The following MEX3C variants were observed in gnomAD, a reference collection of about 807,000 sequenced individuals.
The protein encoded by MEX3C is RNA-binding E3 ubiquitin-protein ligase MEX3C.
MEX3C carries 15 observed loss-of-function variants against 35.5 expected under a neutral mutation model. That is an observed-to-expected ratio of 0.42 (90% confidence interval 0.28 to 0.65). The LOEUF is 0.65. Ranked by LOEUF, MEX3C falls within the 30% of genes least tolerant of loss-of-function variation. The pLI, the probability that MEX3C is intolerant of heterozygous loss-of-function variation, is 0.20. For missense variants in MEX3C, 711 were observed against 842.8 expected, an observed-to-expected ratio of 0.84 and a Z score of 1.94; for synonymous variants, 390 against 352.8, an observed-to-expected ratio of 1.11 and a Z score of -1.18.
intron 1 of MEX3C, chr18:51,195,706 C>A (rs748569741): frequency 6.6e-6 from 1 of 152,234 alleles, no homozygotes; most frequent in African/African-American, 2.4e-5. Flanking sequence ...TACAGAGGTA[C>A]CCCAGGCATC....
rs928035753 is a variant in MEX3C at position 51,196,464 on chromosome 18, G to T, written c.754+103C>A. ...CCAGACCCCTTCGCGGTGGACTTGG[G>T]GGCCTCGCCGGGTTCGCCTTTTCCG... On this transcript the variant is annotated intron_variant, in intron 1 of 1. Transcript: ENST00000406189. 4 of 1,474,680 alleles carry T rather than the reference G, an allele frequency of 2.7e-6. No homozygotes were observed. In the African/African-American group the frequency reaches 5.7e-5, roughly 21 times the overall value. 91.3% of individuals were successfully genotyped at this position (1,474,680 alleles called of 1,614,324 possible).
Position 51,176,501 on chromosome 18 carries a change from A to G in MEX3C, c.1830T>C (p.Ile610=). The part of the protein sequence containing the change: ...PESRRKHDCV[I]CFENEVIAAL... ...CAGCAATAACCTCATTCTCAAAGCA[A>G]ATCACACAGTCGTGCTTTCGTCTTG... Residue 610 remains isoleucine (I), a synonymous_variant, in exon 2 of 2, where the codon ATT becomes ATC. Transcript: ENST00000406189. 6.2e-7 allele frequency: 1 copy of G among 1,614,012 alleles called. No homozygotes were observed. The highest frequency in any genetic ancestry group is 8.5e-7 in the Non-Finnish European group (1 of 1,179,892).
chr18:51,177,721 C>G lies in MEX3C; in HGVS notation c.755-145G>C. ...TTCACATAGCTAGGAAGTGGCAGAG[C>G]CAGAAGTAAACCTAGTTTGACTTAA... On this transcript the variant is annotated intron_variant, in intron 1 of 1. Coordinates refer to ENST00000406189, the MANE Select transcript of MEX3C (RefSeq NM_016626.5). This position sits in a 1 kb window ranked among gnomAD's most constrained non-coding sequence, Gnocchi z 4.2. 1.1e-6 allele frequency: 1 copy of G among 934,678 alleles called. No homozygotes were observed. The highest frequency in any genetic ancestry group is 1.5e-6 in the Non-Finnish European group (1 of 656,238). 57.9% of individuals were successfully genotyped at this position (934,678 alleles called of 1,614,324 possible).
intron 1 of MEX3C, chr18:51,196,156 C>T (rs1387131063): frequency 4.3e-6 from 1 of 234,834 alleles, no homozygotes; most frequent in African/African-American, 2.3e-5. Flanking sequence ...GTAAGGGAGG[C>T]TGAACGCTTT....
intron 1 of MEX3C, among the ~76,000 whole-genome samples, chr18:51,187,222 T>C (rs980012907): frequency 7.9e-5 from 12 of 152,200 alleles, no homozygotes; most frequent in African/African-American, 2.9e-4. Flanking sequence ...TTTTCCTCCC[T>C]GAGTTATCTG....
rs1439817083 is a variant in MEX3C at position 51,177,374 on chromosome 18, A to G, written c.957T>C (p.Cys319=). 1 of 1,613,876 alleles carries G rather than the reference A, an allele frequency of 6.2e-7. No homozygotes were observed. Among genetic ancestry groups the G allele is most frequent in the African/African-American group, 1.3e-5 (1 of 74,928 alleles). The change falls in exon 2 of 2, where the codon TGT becomes TGC. Residue 319 remains cysteine, a synonymous_variant. Coordinates refer to ENST00000406189, the MANE Select transcript of MEX3C (RefSeq NM_016626.5). This position sits in a 1 kb window ranked among gnomAD's most constrained non-coding sequence, Gnocchi z 4.2. The part of the protein sequence containing the change: ...KNGPALGGLS[C]SPNLPGQTTV... The stretch of plus-strand genomic sequence containing the variant: ...TGGTTTGACCGGGCAGATTAGGACT[A>G]CATGATAATCCTCCCAGGGCAGGCC...
At position 51,175,537 on chromosome 18, in the gene MEX3C, A is replaced by G. The variant is rs1912281419; in HGVS notation, c.*814T>C. The G allele has an allele frequency of 6.6e-6, 1 of 152,632 alleles. No individual in the cohort carries two copies. The highest frequency in any genetic ancestry group is 1.5e-5 in the Non-Finnish European group (1 of 68,036). 9.5% of individuals were successfully genotyped at this position (152,632 alleles called of 1,614,324 possible). On this transcript the variant is annotated 3_prime_UTR_variant, in exon 2 of 2. Transcript: ENST00000406189. ...TTCACATTTTGATCTATAGTCTAAA[A>G]ATTAACAGCTCGATCACACTAATGA...
At chr18:51,181,892 C>T (rs894529884) in intron 1 of MEX3C, among the ~76,000 whole-genome samples, 15 of 152,152 alleles carry the variant, frequency 9.9e-5, no homozygotes, top group Middle Eastern at 3.4e-3. Context: ...ATTAAATATA[C>T]AGAAATGATA....
Position 51,176,314 on chromosome 18 carries a change from C to T in MEX3C, c.*37G>A. 1 of 1,526,564 alleles carries T rather than the reference C, an allele frequency of 6.6e-7. No individual in the cohort carries two copies. Among genetic ancestry groups the T allele is most frequent in the Non-Finnish European group, 8.8e-7 (1 of 1,132,644 alleles). The allele number at this position is 1,526,564 out of a possible 1,614,324, so 94.6% of individuals were successfully genotyped here. A position where few individuals can be genotyped will look rare whatever the true frequency, so the allele number is the denominator to read the frequency against. ...CCATTATACCCATGCCTTTACGAGT[C>T]CATATAGAGATATAGTATTTATGTA... On this transcript the variant is annotated 3_prime_UTR_variant, in exon 2 of 2. Coordinates refer to ENST00000406189, the MANE Select transcript of MEX3C (RefSeq NM_016626.5).
chr18:51,197,285 CG>C lies in MEX3C; in HGVS notation c.35del (p.Ala12GlyfsTer37). 1 of 764,250 alleles carries C rather than the reference CG, an allele frequency of 1.3e-6. No homozygotes were observed. Among genetic ancestry groups the C allele is most frequent in the Non-Finnish European group, 1.6e-6 (1 of 630,794 alleles). The allele number at this position is 764,250 out of a possible 1,614,324, so 47.3% of individuals were successfully genotyped here. A position where few individuals can be genotyped will look rare whatever the true frequency, so the allele number is the denominator to read the frequency against. On this transcript the variant is annotated frameshift_variant, in exon 1 of 2. Coordinates refer to ENST00000406189, the MANE Select transcript of MEX3C (RefSeq NM_016626.5). LOFTEE classifies it high-confidence loss of function. ...GCTGCGGCAGGGGGGCCGGGGCCGC[CG>C]CCAGGGCCAGGGCCGCGGAGCTGCC... ...PSGSSAALAL[A>X]AAPAPLPQPP...
At chr18:51,181,174 C>T (rs1467023887) in intron 1 of MEX3C, among the ~76,000 whole-genome samples, 2 of 151,860 alleles carry the variant, frequency 1.3e-5, no homozygotes, top group East Asian at 1.9e-4. Context: ...ATTCAGAAGC[C>T]GTATTATGAT....
At chr18:51,194,866 T>TCC (rs1422031119) in intron 1 of MEX3C, 1 of 152,228 alleles carries the variant, frequency 6.6e-6, no homozygotes, top group Non-Finnish European at 1.5e-5. Flanking sequence ...AGGCTAGTCC[T>TCC]CCACACCCCT....
At chr18:51,179,991 T>C (rs998494279) in intron 1 of MEX3C, among the ~76,000 whole-genome samples, 1 of 150,812 alleles carries the variant, frequency 6.6e-6, no homozygotes, top group African/African-American at 2.4e-5. Context: ...AGAAAAACAC[T>C]GGGCAAATTG....
rs1198280538 is a variant in MEX3C, at chr18:51,176,580, G to C, written c.1751C>G (p.Thr584Ser). 1 of 1,613,990 alleles carries C rather than the reference G, an allele frequency of 6.2e-7. No individual in the cohort carries two copies. Among genetic ancestry groups the C allele is most frequent in the East Asian group, 2.2e-5 (1 of 44,880 alleles). ...PIYIPAFSNGTNSYSSSNGGS... is the reference protein window; with the variant it reads ...PIYIPAFSNGSNSYSSSNGGS... The stretch of plus-strand genomic sequence containing the variant: ...ACCATTGGAAGAGGAGTAACTATTG[G>C]TACCATTAGAAAAAGCAGGGATATA... The change falls in exon 2 of 2, where the codon ACC (threonine) becomes AGC (serine). Residue 584 changes from threonine (T) to serine (S), a missense_variant. Thr to Ser is a moderately conservative substitution (Grantham distance 58). Coordinates refer to ENST00000406189, the MANE Select transcript of MEX3C (RefSeq NM_016626.5).
chr18:51,184,511 C>G (rs1912493838), intron 1 of MEX3C, among the ~76,000 whole-genome samples: 1 of 152,174 alleles, frequency 6.6e-6, no homozygotes, highest in African/African-American at 2.4e-5. Context: ...ATATTACATT[C>G]TTATTCAATA....
At chr18:51,180,894 C>T (rs1912413583) in intron 1 of MEX3C, among the ~76,000 whole-genome samples, 1 of 152,188 alleles carries the variant, frequency 6.6e-6, no homozygotes, top group Admixed American at 6.5e-5. Context: ...TAGGGAAGCT[C>T]ACCAATCATA....
At chr18:51,185,105 A>T (rs1235940808) in intron 1 of MEX3C, among the ~76,000 whole-genome samples, 1 of 152,214 alleles carries the variant, frequency 6.6e-6, no homozygotes, top group East Asian at 1.9e-4. Flanking sequence ...CAGACATCTG[A>T]TATGGGTCTC....
At chr18:51,179,790 A>T (rs1912386094) in intron 1 of MEX3C, among the ~76,000 whole-genome samples, 1 of 152,182 alleles carries the variant, frequency 6.6e-6, no homozygotes, top group South Asian at 2.1e-4. Context: ...TGGTGTGCAG[A>T]ATTGAGATCA....
rs1254281412 is a variant in MEX3C at position 51,175,478 on chromosome 18, T to C, written c.*873A>G. ...CTAAAAAATAAAAATATATTTATAA[T>C]GTGCAAGACAAATATGGATTGAACA... is the stretch of plus-strand genomic sequence containing the variant. On this transcript the variant is annotated 3_prime_UTR_variant, in exon 2 of 2. Transcript: ENST00000406189. The C allele has an allele frequency of 6.5e-6, 1 of 152,676 alleles. No homozygotes were observed. The allele number at this position is 152,676 out of a possible 1,614,324, so 9.5% of individuals were successfully genotyped here.
Sources: gnomAD v4.1 joint callset for allele counts (sites outside exome capture counted in the v4.1 genomes callset) on GRCh38, gnomAD v4.1.1 for gene constraint, Gnocchi (gnomAD v3.1) non-coding constraint, MANE v1.5 for transcripts, NCBI Gene and HGNC (gene_info 2026-07-23, HGNC 2026-07-21) for gene names.